The following PIGP variants were observed in gnomAD, a reference collection of about 807,000 sequenced individuals.
The protein encoded by PIGP is phosphatidylinositol N-acetylglucosaminyltransferase subunit P.
PIGP carries 12 observed loss-of-function variants against 16.9 expected under a neutral mutation model. The ratio of observed to expected loss-of-function variants is 0.71; its 90% CI spans 0.46 to 1.15. The LOEUF is 1.15. PIGP is among the 50% of genes most tolerant of loss of function. The probability of loss-of-function intolerance (pLI) is 0.00; values close to 1 mark genes in which losing one functional copy is unlikely to be tolerated. For synonymous variants in PIGP, 57 were observed against 54.7 expected (o/e 1.04, Z -0.18); for missense variants, 159 against 153.5 (o/e 1.04, Z -0.19).
intron 1 of PIGP, 85 bp from the exon 2 acceptor site, chr21:37,072,622 A>C (rs765374174): frequency 6.2e-7 from 1 of 1,601,188 alleles, no homozygotes; most frequent in Non-Finnish European, 8.5e-7. Context: ...CGCCGCGGGT[A>C]CGGCCCCCGC....
chr21:37,072,028 G>A, intron 2 of PIGP: 1 of 753,698 alleles, frequency 1.3e-6, no homozygotes, highest in South Asian at 1.4e-5. Context: ...TTCCTAATCA[G>A]CATCAGTGCC....
rs767539452 is a variant in PIGP, at chr21:37,067,321, A to G, written c.215T>C (p.Leu72Pro). 1.2e-5 allele frequency: 20 copies of G among 1,612,468 alleles called. No individual in the cohort carries two copies. The African/African-American group carries it at 2.1e-4, about 17-fold the overall frequency. The change falls in exon 4 of 5, where the codon CTC (leucine) becomes CCC (proline). Residue 72 changes from leucine (L) to proline (P), a missense_variant. Physicochemically the swap from Leu to Pro is moderately conservative, Grantham distance 98. Transcript: ENST00000360525. ...LLIAIVIGYV[L>P]LFGINMMSTS... ...ACTCATCATGTTAATCCCAAACAAG[A>G]GCACGTAGCCAATTACTATAGCAAT...
At chr21:37,072,575 T>C (rs757344890) in intron 1 of PIGP, 38 bp from the exon 2 acceptor site, 3 of 1,614,052 alleles carry the variant, frequency 1.9e-6, no homozygotes, top group South Asian at 2.2e-5. Flanking sequence ...AGCGATGTGC[T>C]CCGTGGCACC....
rs889743369 is a variant in PIGP, at chr21:37,066,098, AAAAT to A, written c.275-390_275-387del. Among the ~76,000 whole-genome samples, 31 of 151,374 alleles carry A rather than the reference AAAAT, an allele frequency of 2.0e-4. No homozygotes were observed. The East Asian group carries it at 3.9e-3, about 19-fold the overall frequency. Reference sequence around the variant, plus strand: ...ACTCCATCTCAAAAATAAAAAATAAAAAATAAATAAATAAATAAATAAAAATAAA... The same window carrying A: ...ACTCCATCTCAAAAATAAAAAATAAAAAATAAATAAATAAATAAAAATAAA... On this transcript the variant is annotated intron_variant, in intron 4 of 4. Coordinates refer to ENST00000360525, the MANE Select transcript of PIGP (RefSeq NM_153682.3).
intron 1 of PIGP, 100 bp from the exon 2 acceptor site, chr21:37,072,637 C>T: frequency 6.3e-7 from 1 of 1,590,780 alleles, no homozygotes; most frequent in Non-Finnish European, 8.6e-7. Context: ...CCCCGCCGCG[C>T]AGAACCGCCT....
intron 2 of PIGP, among the ~76,000 whole-genome samples, chr21:37,071,976 C>CAAACCCT (rs1337595270): frequency 6.6e-6 from 1 of 152,164 alleles, no homozygotes; most frequent in African/African-American, 2.4e-5. Context: ...CCTCTCACGC[C>CAAACCCT]CTCATTCAAG....
At chr21:37,067,221 C>T (rs1365902848) in intron 4 of PIGP, 41 bp downstream of exon 4, 3 of 1,167,580 alleles carry the variant, frequency 2.6e-6, no homozygotes, top group African/African-American at 3.0e-5. Flanking sequence ...TAATACTCCA[C>T]TCTTTCATTG....
intron 4 of PIGP, 42 bp downstream of exon 4, chr21:37,067,220 A>T (rs1216870626): frequency 8.9e-7 from 1 of 1,129,242 alleles, no homozygotes; most frequent in Non-Finnish European, 1.3e-6. Context: ...CTAATACTCC[A>T]CTCTTTCATT....
At chr21:37,072,053 C>A in intron 2 of PIGP, 2 of 781,940 alleles carry the variant, frequency 2.6e-6, no homozygotes, top group Non-Finnish European at 4.7e-6. Context: ...GGAAAGGCCT[C>A]TGTAGAAAGC....
chr21:37,072,885 C>A, intron 1 of PIGP, 115 bp downstream of exon 1: 1 of 387,562 alleles, frequency 2.6e-6, no homozygotes, highest in Non-Finnish European at 4.7e-6. Context: ...GCCCAGGCCC[C>A]GGGCCCTGCC....
At position 37,065,379 on chromosome 21, in the gene PIGP, G is replaced by C. The variant is rs2069883779; in HGVS notation, c.*203C>G. 4 of 417,662 alleles carry C rather than the reference G, an allele frequency of 9.6e-6. No individual in the cohort carries two copies. The highest frequency in any genetic ancestry group is 8.5e-5 in the African/African-American group (4 of 46,880). 25.9% of individuals were successfully genotyped at this position (417,662 alleles called of 1,614,324 possible). ...TTTTTTTTTTAAGTCTGCTATATGGGAATGCAATATTGTATTTATTCTATT... is the reference window on the plus strand; with the variant it reads ...TTTTTTTTTTAAGTCTGCTATATGGCAATGCAATATTGTATTTATTCTATT... On this transcript the variant is annotated 3_prime_UTR_variant, in exon 5 of 5. Transcript: ENST00000360525.
At chr21:37,072,274 C>G (rs1204368131) in intron 2 of PIGP, 160 bp downstream of exon 2, 7 of 1,608,038 alleles carry the variant, frequency 4.4e-6, no homozygotes, top group African/African-American at 1.3e-5. Context: ...TGCTGGCACA[C>G]GGAACACTCA....
At position 37,065,698 on chromosome 21, in the gene PIGP, T is replaced by G. The variant is rs1384335354; in HGVS notation, c.289A>C (p.Asn97His). The change falls in exon 5 of 5, where the codon AAT becomes CAT. Residue 97 changes from asparagine (N) to histidine (H), a missense_variant. Transcript: ENST00000360525. ...TCTTGGTATTTCTTCTGCTGTTGATTTTTTGCATAGTTATCTGTAAGAAAA... is the reference window on the plus strand; with the variant it reads ...TCTTGGTATTTCTTCTGCTGTTGATGTTTTGCATAGTTATCTGTAAGAAAA... Reference protein sequence around the residue: ...IHTITDNYAKNQQQKKYQEEA... With the variant: ...IHTITDNYAKHQQQKKYQEEA... 2 of 1,613,212 alleles carry G rather than the reference T, an allele frequency of 1.2e-6. No homozygotes were observed. Among genetic ancestry groups the G allele is most frequent in the Non-Finnish European group, 1.7e-6 (2 of 1,179,646 alleles).
intron 2 of PIGP, among the ~76,000 whole-genome samples, chr21:37,071,810 C>G (rs182959762): frequency 4.6e-5 from 7 of 152,252 alleles, no homozygotes; most frequent in Middle Eastern, 3.4e-3. Flanking sequence ...GAGCATCAGT[C>G]TCCTTATCTG....
chr21:37,067,241 T>G, intron 4 of PIGP, 21 bp downstream of exon 4: 1 of 1,363,320 alleles, frequency 7.3e-7, no homozygotes, highest in Non-Finnish European at 1.1e-6. Flanking sequence ...GCCCCAGCAC[T>G]TTCCTTTTAT....
chr21:37,068,761 G>A (rs1029810024), intron 3 of PIGP, among the ~76,000 whole-genome samples: 7 of 152,218 alleles, frequency 4.6e-5, no homozygotes, highest in Admixed American at 4.6e-4. Flanking sequence ...GGGCTGGTCA[G>A]CTTCCTCAGG....
intron 2 of PIGP, chr21:37,072,182 G>C (rs781307969): frequency 6.7e-7 from 1 of 1,488,050 alleles, no homozygotes; most frequent in East Asian, 2.3e-5. Flanking sequence ...CCTCCTTAAG[G>C]GCAGGGACCA....
At chr21:37,070,356 A>G (rs1289959118) in intron 2 of PIGP, among the ~76,000 whole-genome samples, 2 of 152,234 alleles carry the variant, frequency 1.3e-5, no homozygotes, top group African/African-American at 4.8e-5. Flanking sequence ...GTATTACAGA[A>G]TTCTGTATGT....
At chr21:37,069,695 T>G (rs2069968271) in intron 2 of PIGP, 71 bp from the exon 3 acceptor site, 1 of 1,031,416 alleles carries the variant, frequency 9.7e-7, no homozygotes, top group African/African-American at 1.6e-5. Context: ...ATCAATCTAT[T>G]AAGATTCAGA....
Sources: allele counts gnomAD v4.1 joint callset (sites outside exome capture counted in the v4.1 genomes callset), GRCh38; gene constraint gnomAD v4.1.1; transcripts MANE v1.5; gene names NCBI Gene and HGNC (gene_info 2026-07-23, HGNC 2026-07-21).